LRPPRC: variants seen among roughly 807,000 people sequenced by gnomAD.
LRPPRC encodes leucine rich pentatricopeptide repeat containing, also known as leucine-rich PPR motif-containing protein, mitochondrial.
In LRPPRC, 120 loss-of-function variants were observed where a neutral mutation model predicts 180.3. That is an observed-to-expected ratio of 0.67 (90% CI 0.57 to 0.77). The LOEUF (loss-of-function observed/expected upper bound fraction) is 0.77. LRPPRC is among the 30% of genes least tolerant of loss of function. The probability of loss-of-function intolerance (pLI) is 0.00; values close to 1 mark genes in which losing one functional copy is unlikely to be tolerated. For missense variants in LRPPRC, 2,012 were observed against 1,657.2 expected (o/e 1.21, Z -3.72); for synonymous variants, 723 against 600.0 (o/e 1.21, Z -3.00).
chr2:43,901,801 C>T, intron 31 of LRPPRC: 1 of 382,156 alleles, frequency 2.6e-6, no homozygotes, highest in South Asian at 3.3e-5. Flanking sequence ...TTAGGGATAA[C>T]ATTCAGTGAC....
chr2:43,918,126 T>C lies in LRPPRC; in HGVS notation c.3047A>G (p.Tyr1016Cys), dbSNP rs758090531. The C allele has an allele frequency of 1.2e-6, 2 of 1,613,214 alleles. No individual in the cohort carries two copies. The highest frequency in any genetic ancestry group is 2.2e-5 in the South Asian group (2 of 91,054). Residue 1016 changes from tyrosine (Y) to cysteine (C), a missense_variant, in exon 29 of 38, where the codon TAT (tyrosine) becomes TGT (cysteine). Transcript: ENST00000260665. ...EVPFDVPELW[Y>C]EDEKHSLNSS... is the part of the protein sequence containing the mutation. The stretch of plus-strand genomic sequence containing the variant: ...ATTCAGGGAATGTTTTTCATCTTCA[T>C]ACCACAACTTTAAAACAAAGTTATT...
At chr2:43,964,841 T>C (rs61399217) in intron 11 of LRPPRC, among the ~76,000 whole-genome samples, 24,687 of 152,046 alleles carry the variant, frequency 0.16, 2,178 homozygotes, top group Middle Eastern at 0.24. Context: ...AATCTAAAAA[T>C]AAACCCACAC....
chr2:43,894,508 TTAAA>T (rs998241464), intron 36 of LRPPRC, 33 bp downstream of exon 36: 1 of 998,470 alleles, frequency 1.0e-6, no homozygotes, highest in East Asian at 2.4e-5. Flanking sequence ...ATAAAGCCAT[TTAAA>T]TAAATAATAT....
Position 43,975,158 on chromosome 2 carries a change from C to T in LRPPRC, c.797G>A (p.Gly266Asp), listed in dbSNP as rs1037159331. 6.2e-7 allele frequency: 1 copy of T among 1,613,452 alleles called. No homozygotes were observed. Among genetic ancestry groups the T allele is most frequent in the African/African-American group, 1.3e-5 (1 of 75,028 alleles). Residue 266 changes from glycine (G) to aspartate (D), a missense_variant, in exon 7 of 38, where the codon GGT becomes GAT. Coordinates refer to ENST00000260665, the MANE Select transcript of LRPPRC (RefSeq NM_133259.4). ...TVMRDAGIEPGPDTYLALLNA... is the reference protein window; with the variant it reads ...TVMRDAGIEPDPDTYLALLNA... Reference sequence around the variant, plus strand: ...CAATAATGCGAGGTATGTGTCTGGACCAGGCTCAATTCCGGCATCTCTCAT... The same window carrying T: ...CAATAATGCGAGGTATGTGTCTGGATCAGGCTCAATTCCGGCATCTCTCAT...
chr2:43,984,134 G>A (rs1314519453), intron 1 of LRPPRC, among the ~76,000 whole-genome samples: 2 of 151,850 alleles, frequency 1.3e-5, no homozygotes, highest in Non-Finnish European at 2.9e-5. Context: ...TCTATCAGTT[G>A]TTACTAAACT....
At chr2:43,923,047 T>C (rs980095168) in intron 27 of LRPPRC, among the ~76,000 whole-genome samples, 1 of 151,820 alleles carries the variant, frequency 6.6e-6, no homozygotes, top group African/African-American at 2.4e-5. Context: ...CAAGAAGGAA[T>C]TGGAGACAGG....
intron 27 of LRPPRC, among the ~76,000 whole-genome samples, chr2:43,924,004 T>A (rs1317925946): frequency 6.6e-6 from 1 of 152,184 alleles, no homozygotes; most frequent in Non-Finnish European, 1.5e-5. Context: ...GCCAAAGTCT[T>A]AAGAATTACA....
intron 1 of LRPPRC, among the ~76,000 whole-genome samples, chr2:43,991,181 C>T (rs994509480): frequency 6.6e-6 from 1 of 152,062 alleles, no homozygotes; most frequent in African/African-American, 2.4e-5. Flanking sequence ...AGGCGCCCGC[C>T]ACCATTGCTA....
chr2:43,920,078 TTAAAAAAAAAA>T (rs1317750915), intron 27 of LRPPRC, among the ~76,000 whole-genome samples: 51 of 69,558 alleles, frequency 7.3e-4, no homozygotes, highest in African/African-American at 3.0e-3. Context: ...AATCAGCAAT[TTAAAAAAAAAA>T]AAAAAAAAAA....
intron 36 of LRPPRC, among the ~76,000 whole-genome samples, chr2:43,892,977 T>C (rs1245104058): frequency 6.6e-6 from 1 of 152,032 alleles, no homozygotes; most frequent in Admixed American, 6.5e-5. Context: ...TAACAGGAGT[T>C]TGGGAGAAGC....
chr2:43,962,738 G>C (rs963020369), intron 12 of LRPPRC, among the ~76,000 whole-genome samples: 2 of 152,122 alleles, frequency 1.3e-5, no homozygotes, highest in African/African-American at 4.8e-5. Context: ...AAAAGAGAGA[G>C]AGACAGAAAG....
chr2:43,911,520 C>CTTTTTTTTTT (rs755010502), intron 30 of LRPPRC, among the ~76,000 whole-genome samples: 34 of 113,480 alleles, frequency 3.0e-4, no homozygotes, highest in East Asian at 2.1e-3. Flanking sequence ...TCTTCTTCTT[C>CTTTTTTTTTT]TTCTTTTTTT....
chr2:43,973,921 C>T, intron 9 of LRPPRC, 21 bp from the exon 10 acceptor site: 1 of 1,428,240 alleles, frequency 7.0e-7, no homozygotes, highest in Non-Finnish European at 9.9e-7. Flanking sequence ...AAAGTCACCA[C>T]ATTAGCTGGA....
Position 43,982,327 on chromosome 2 carries a change from G to C in LRPPRC, c.257C>G (p.Ala86Gly). ...AACAGAAAGATCTAGTCTCATTAGA[G>C]CCCAATCAAACTGATTGGAAATCTT... ...SRKISNQFDW[A>G]LMRLDLSVRR... The change falls in exon 2 of 38, where the codon GCT (alanine) becomes GGT (glycine). Residue 86 changes from alanine (A) to glycine (G), a missense_variant. Ala to Gly is a moderately conservative substitution (Grantham distance 60). Transcript: ENST00000260665. The C allele has an allele frequency of 3.1e-6, 5 of 1,612,374 alleles. No individual in the cohort carries two copies. Among genetic ancestry groups the C allele is most frequent in the Non-Finnish European group, 4.2e-6 (5 of 1,178,734 alleles).
At chr2:43,951,056 T>A (rs1672884807) in intron 14 of LRPPRC, among the ~76,000 whole-genome samples, 1 of 152,164 alleles carries the variant, frequency 6.6e-6, no homozygotes, top group South Asian at 2.1e-4. Context: ...GGAGACACAG[T>A]GAGTCTCAAA....
intron 37 of LRPPRC, among the ~76,000 whole-genome samples, chr2:43,889,229 C>T (rs1279698495): frequency 1.4e-5 from 2 of 139,602 alleles, no homozygotes; most frequent in Admixed American, 7.7e-5. Context: ...GCAGGAGAAT[C>T]GCTTGGACCT....
Position 43,976,725 on chromosome 2 carries a change from A to C in LRPPRC, c.650+269T>G, listed in dbSNP as rs7561321. On this transcript the variant is annotated intron_variant, in intron 5 of 37. Coordinates refer to ENST00000260665, the MANE Select transcript of LRPPRC (RefSeq NM_133259.4). Reference sequence around the variant, plus strand: ...GGAAATATTTAAAAAAAAAAAAAAAAAAGCAAAGTCAGCTTTATAGCTCAA... The same window carrying C: ...GGAAATATTTAAAAAAAAAAAAAAACAAGCAAAGTCAGCTTTATAGCTCAA... 0.57 allele frequency among the ~76,000 whole-genome samples: 85,195 copies of C among 148,794 alleles called. 25,598 individuals are homozygous for C. The highest frequency in any genetic ancestry group is 0.66 in the Middle Eastern group (184 of 280).
At chr2:43,910,628 G>C (rs1474188925) in intron 30 of LRPPRC, among the ~76,000 whole-genome samples, 1 of 152,122 alleles carries the variant, frequency 6.6e-6, no homozygotes, top group African/African-American at 2.4e-5. Context: ...AGTACAATTT[G>C]TTATTAATCA....
At chr2:43,980,691 T>C (rs923687058) in intron 2 of LRPPRC, among the ~76,000 whole-genome samples, 1 of 152,218 alleles carries the variant, frequency 6.6e-6, no homozygotes, top group Non-Finnish European at 1.5e-5. Flanking sequence ...TCCCTCTCCC[T>C]ATATCTGTAA....
Sources: allele counts gnomAD v4.1 joint callset (sites outside exome capture counted in the v4.1 genomes callset), GRCh38; gene constraint gnomAD v4.1.1; transcripts MANE v1.5; gene names NCBI Gene and HGNC (gene_info 2026-07-23, HGNC 2026-07-21).